The following CELF2 variants were observed in gnomAD, a reference collection of about 807,000 sequenced individuals.
CELF2 encodes CUG triplet repeat RNA-binding protein 2.
Under a neutral mutation model 62.6 loss-of-function variants are expected in CELF2, and 8 were observed. The observed-to-expected ratio is 0.13, with a 90% CI of 0.07 to 0.23. CELF2 has a LOEUF of 0.23. Among genes scored for constraint, CELF2 ranks in the 10% least tolerant of loss-of-function variants. CELF2 has a pLI of 1.00. For synonymous variants in CELF2, 258 were observed against 250.0 expected (o/e 1.03, Z -0.30); for missense variants, 333 against 671.0 (o/e 0.50, Z 5.56).
Position 11,191,249 on chromosome 10 carries a change from T to C in CELF2, c.271+25567T>C, listed in dbSNP as rs561522552. 5.9e-5 allele frequency among the ~76,000 whole-genome samples: 9 copies of C among 152,258 alleles called. No homozygotes were observed. In the East Asian group the frequency reaches 1.5e-3, roughly 26 times the overall value. On this transcript the variant is annotated intron_variant, in intron 2 of 12. Coordinates refer to ENST00000633077, the MANE Select transcript of CELF2 (RefSeq NM_001326342.2). This position sits in a 1 kb window ranked among gnomAD's most constrained non-coding sequence, Gnocchi z 4.1. ...CAGAGAGGCTTCCTACTTAGATGGT[T>C]CTCTCTAGCTATGGGGCTTGGAGAG...
At chr10:11,065,058 T>C (rs1386572431) in intron 1 of CELF2, among the ~76,000 whole-genome samples, 3 of 152,198 alleles carry the variant, frequency 2.0e-5, no homozygotes, top group Middle Eastern at 3.2e-3. Context: ...TTCCCTGCTA[T>C]CAAAGCAATC....
At chr10:10,694,922 G>A in the CELF2 span, among the ~76,000 whole-genome samples, 5 of 150,690 alleles carry the variant, frequency 3.3e-5, no homozygotes, top group Admixed American at 2.0e-4. Context: ...ACATGAGATG[G>A]GTTTCCTGAA....
chr10:10,943,460 G>A (rs2047274288), intron 2 of CELF2, among the ~76,000 whole-genome samples: 1 of 152,204 alleles, frequency 6.6e-6, no homozygotes, highest in South Asian at 2.1e-4. Flanking sequence ...GGGCAGATTA[G>A]GATAGGGAAT....
chr10:11,218,319 G>C (rs2063857432), intron 3 of CELF2, among the ~76,000 whole-genome samples: 1 of 152,160 alleles, frequency 6.6e-6, no homozygotes. Context: ...TTGAAACCTA[G>C]TTTGATAAGA....
chr10:10,615,411 A>G, the CELF2 span, among the ~76,000 whole-genome samples: 4 of 152,132 alleles, frequency 2.6e-5, no homozygotes. Context: ...TCCAGCTGTC[A>G]GGCTGTGAGC....
Position 11,305,729 on chromosome 10 carries a change from A to G in CELF2, c.977-8410A>G, listed in dbSNP as rs1040420247. On this transcript the variant is annotated intron_variant, in intron 9 of 12. Coordinates refer to ENST00000633077, the MANE Select transcript of CELF2 (RefSeq NM_001326342.2). This position sits in a 1 kb window ranked among gnomAD's most constrained non-coding sequence, Gnocchi z 4.8. ...GTAGTGTTCATCCCAGACCTAGCAC[A>G]GCTCTAAGGAGAAGGAACCCATCCC... Among the ~76,000 whole-genome samples, 1 of 152,194 alleles carries G rather than the reference A, an allele frequency of 6.6e-6. No homozygotes were observed.
intron 1 of CELF2, among the ~76,000 whole-genome samples, chr10:11,038,869 A>T (rs940786179): frequency 2.0e-5 from 3 of 152,214 alleles, no homozygotes; most frequent in Non-Finnish European, 4.4e-5. Context: ...ATGTTTATTA[A>T]AACCCTTCTG....
chr10:10,511,003 C>A, the CELF2 span, among the ~76,000 whole-genome samples: 1 of 152,216 alleles, frequency 6.6e-6, no homozygotes, highest in Admixed American at 6.5e-5. Flanking sequence ...GTGGCATCAG[C>A]AGGCTCTGTG....
the CELF2 span, among the ~76,000 whole-genome samples, chr10:10,735,117 A>G: frequency 6.6e-6 from 1 of 152,236 alleles, no homozygotes; most frequent in Non-Finnish European, 1.5e-5. Flanking sequence ...ATTTATAACT[A>G]TAAAATGTCT....
chr10:11,062,524 A>C (rs1827805498), intron 1 of CELF2, among the ~76,000 whole-genome samples: 1 of 152,162 alleles, frequency 6.6e-6, no homozygotes, highest in South Asian at 2.1e-4. Flanking sequence ...TGGATAACTG[A>C]GGGTTTCAAG....
the CELF2 span, among the ~76,000 whole-genome samples, chr10:10,605,798 A>G: frequency 6.6e-6 from 1 of 152,232 alleles, no homozygotes. Context: ...GCCCAGTGCC[A>G]GGCATGCTTT....
chr10:10,958,105 G>A (rs954800484), intron 2 of CELF2, among the ~76,000 whole-genome samples: 5 of 152,118 alleles, frequency 3.3e-5, no homozygotes, highest in Non-Finnish European at 7.3e-5. Flanking sequence ...AGCGTGTATT[G>A]GTCTCTTCTC....
the CELF2 span, among the ~76,000 whole-genome samples, chr10:10,782,578 A>T: frequency 6.6e-6 from 1 of 152,312 alleles, no homozygotes; most frequent in South Asian, 2.1e-4. Flanking sequence ...CTCATAGCCC[A>T]GTCTAGTTAA....
the CELF2 span, among the ~76,000 whole-genome samples, chr10:10,488,259 A>G: frequency 6.6e-6 from 1 of 152,172 alleles, no homozygotes. Context: ...ATGAAAACAA[A>G]CGACTGAACT....
In CELF2 at chr10:10,841,687, T is replaced by C. The variant is rs1305094940; in HGVS notation, c.53+42870T>C. 2.6e-5 allele frequency among the ~76,000 whole-genome samples: 4 copies of C among 152,162 alleles called. No individual in the cohort carries two copies. The South Asian group carries it at 8.3e-4, about 31-fold the overall frequency. Reference sequence around the variant, plus strand: ...ATGAGTATAGCTTAATAGTAAGTCTTGAATTTGGGTAGTGTGAATCCTCCA... The same window carrying C: ...ATGAGTATAGCTTAATAGTAAGTCTCGAATTTGGGTAGTGTGAATCCTCCA... On this transcript the variant is annotated intron_variant, in intron 1 of 13. Coordinates refer to the CELF2 transcript ENST00000636488.
At chr10:10,914,739 T>C (rs965122004) in intron 1 of CELF2, among the ~76,000 whole-genome samples, 2 of 152,210 alleles carry the variant, frequency 1.3e-5, no homozygotes, top group African/African-American at 4.8e-5. Context: ...GCACCTTCCA[T>C]CACCTCATTC....
the CELF2 span, among the ~76,000 whole-genome samples, chr10:10,593,657 C>T: frequency 2.0e-5 from 3 of 152,146 alleles, no homozygotes; most frequent in East Asian, 1.9e-4. Context: ...CTGAGTGATA[C>T]GCTAAGGAAA....
At chr10:10,658,349 A>G in the CELF2 span, among the ~76,000 whole-genome samples, 1 of 152,148 alleles carries the variant, frequency 6.6e-6, no homozygotes, top group Non-Finnish European at 1.5e-5. Context: ...TTCTAACCAC[A>G]TTTCCACTTT....
upstream of CELF2, chr10:11,005,255 GGAGAGAGAGAGAGA>G (rs529664321): frequency 3.6e-5 from 42 of 1,177,316 alleles, no homozygotes; most frequent in Middle Eastern, 7.7e-4. The surrounding 1 kb of genome is among the most constrained non-coding windows in gnomAD (Gnocchi z 4.3). Context: ...AGAGAGAGAG[GGAGAGAGAGAGAGA>G]GAGAGAGAGA....
Sources: allele counts gnomAD v4.1 joint callset (sites outside exome capture counted in the v4.1 genomes callset), GRCh38; gene constraint gnomAD v4.1.1; non-coding constraint Gnocchi (gnomAD v3.1); transcripts MANE v1.5; gene names NCBI Gene and HGNC (gene_info 2026-07-23, HGNC 2026-07-21).